SPHK2: variants seen among roughly 807,000 people sequenced by gnomAD.
SPHK2 encodes the protein sphingosine kinase 2.
In SPHK2, 18 loss-of-function variants were observed where a neutral mutation model predicts 32.3. That is an observed-to-expected ratio of 0.56 (90% CI 0.39 to 0.83). The LOEUF (loss-of-function observed/expected upper bound fraction) is 0.83, where lower values mean the gene tolerates loss of function less well. Among genes scored for constraint, SPHK2 ranks in the 40% least tolerant of loss-of-function variants. The pLI is 0.00. For synonymous variants in SPHK2, 462 were observed against 417.6 expected, an observed-to-expected ratio of 1.11 and a Z score of -1.30; for missense variants, 850 against 908.7, an observed-to-expected ratio of 0.94 and a Z score of 0.83.
rs1568437134 is a variant in SPHK2, at chr19:48,629,838, A to AG, written c.*70dup. On this transcript the variant is annotated 3_prime_UTR_variant, in exon 7 of 7. Coordinates refer to ENST00000245222, the MANE Select transcript of SPHK2 (RefSeq NM_020126.5). ...ATTCCAATGGGGCGGAGCCTGAGCT[A>AG]GGGGGTGTGGCCTGGCTGCTAGAGT... 6.7e-7 allele frequency: 1 copy of AG among 1,498,634 alleles called. No individual in the cohort carries two copies. The highest frequency in any genetic ancestry group is 2.4e-5 in the Admixed American group (1 of 41,820). The allele number at this position is 1,498,634 out of a possible 1,614,324, so 92.8% of individuals were successfully genotyped here. A position where few individuals can be genotyped will look rare whatever the true frequency, so the allele number is the denominator to read the frequency against.
At chr19:48,620,609 G>T in intron 2 of SPHK2, 56 bp downstream of exon 2, 3 of 1,271,454 alleles carry the variant, frequency 2.4e-6, no homozygotes, top group Non-Finnish European at 3.3e-6. Flanking sequence ...AAAATCTGAA[G>T]CTTTTCTTTA....
rs2030363999 is a variant in SPHK2 at position 48,629,453 on chromosome 19, C to G, written c.1645C>G (p.Leu549Val). ...CATGTTGGCCATCTCGCCCAGCCAC[C>G]TAGGCGCTGACCTGGTGGCAGCTCC... ...VLMLAISPSH[L>V]GADLVAAPHA... The change falls in exon 7 of 7, where the codon CTA becomes GTA. Residue 549 changes from leucine (L) to valine (V), a missense_variant. By Grantham distance (32) the Leu-to-Val change is conservative. This residue lies in a region of SPHK2 where 306 missense variants were observed against 268.6 expected (regional missense o/e 1.14). Coordinates refer to ENST00000245222, the MANE Select transcript of SPHK2 (RefSeq NM_020126.5). 6.2e-7 allele frequency: 1 copy of G among 1,608,744 alleles called. No individual in the cohort carries two copies. Among genetic ancestry groups the G allele is most frequent in the Non-Finnish European group, 8.5e-7 (1 of 1,178,644 alleles).
intron 2 of SPHK2, chr19:48,625,633 C>G (rs1222202030): frequency 3.2e-5 from 49 of 1,519,560 alleles, no homozygotes; most frequent in Non-Finnish European, 4.3e-5. Flanking sequence ...GTGATTGGCA[C>G]ATAAAGGGTA....
Position 48,628,162 on chromosome 19 carries a change from G to T in SPHK2, c.757G>T (p.Val253Leu). The change falls in exon 6 of 7, where the codon GTG (valine) becomes TTG (leucine). Residue 253 changes from valine to leucine, a missense_variant and splice_region_variant. Coordinates refer to ENST00000245222, the MANE Select transcript of SPHK2 (RefSeq NM_020126.5). This position sits in a 1 kb window ranked among gnomAD's most constrained non-coding sequence, Gnocchi z 5.2. ...AGGCTTCTGGTCTCCCACCCTCCAG[G>T]TGCTGAACGGGCTCCTAGATCGCCC... ...TVSGDGLLHE[V>L]LNGLLDRPDW... 6.2e-7 allele frequency: 1 copy of T among 1,612,880 alleles called. No individual in the cohort carries two copies. Among genetic ancestry groups the T allele is most frequent in the Non-Finnish European group, 8.5e-7 (1 of 1,179,396 alleles).
At chr19:48,625,307 T>A in intron 2 of SPHK2, 1 of 1,117,992 alleles carries the variant, frequency 8.9e-7, no homozygotes. Flanking sequence ...TCATTGACCC[T>A]GTTTGTCTCC....
rs1341116106 is a variant in SPHK2, at chr19:48,620,484, C to T, written c.-31C>T. On this transcript the variant is annotated 5_prime_UTR_variant, in exon 2 of 7. Transcript: ENST00000245222. ...TGGCTTAAGACCCAGGGCCAGGGTC[C>T]CGTTGATGTAACAGAGCAGAGGACC... 3 of 1,608,618 alleles carry T rather than the reference C, an allele frequency of 1.9e-6. No individual in the cohort carries two copies. The highest frequency in any genetic ancestry group is 2.5e-6 in the Non-Finnish European group (3 of 1,177,086).
At position 48,629,694 on chromosome 19, in the gene SPHK2, G is replaced by A; in HGVS notation, c.1886G>A (p.Gly629Glu). ...LTVDGEQVEY[G>E]PLQAQMHPGI... Reference sequence around the variant, plus strand: ...GTGGACGGGGAGCAGGTGGAGTATGGGCCGCTACAGGCACAGATGCACCCT... The same window carrying A: ...GTGGACGGGGAGCAGGTGGAGTATGAGCCGCTACAGGCACAGATGCACCCT... The change falls in exon 7 of 7, where the codon GGG becomes GAG. Residue 629 changes from glycine to glutamate, a missense_variant. Around this residue, in one of 2 missense-constraint regions of SPHK2, gnomAD observed 306 missense variants for 268.6 expected, o/e 1.14. Transcript: ENST00000245222. 6.2e-7 allele frequency: 1 copy of A among 1,609,446 alleles called. No individual in the cohort carries two copies. Among genetic ancestry groups the A allele is most frequent in the Non-Finnish European group, 8.5e-7 (1 of 1,178,388 alleles).
At chr19:48,622,319 T>C (rs143299342) in intron 2 of SPHK2, among the ~76,000 whole-genome samples, 4 of 152,070 alleles carry the variant, frequency 2.6e-5, no homozygotes, top group African/African-American at 4.8e-5. Flanking sequence ...TCAGGGGGAA[T>C]TGGGTTTTTT....
rs2030110567 is a variant in SPHK2, at chr19:48,628,113, C to T, written c.756+44C>T. 1.3e-6 allele frequency: 2 copies of T among 1,590,182 alleles called. No individual in the cohort carries two copies. The highest frequency in any genetic ancestry group is 2.7e-5 in the African/African-American group (2 of 74,310). The stretch of plus-strand genomic sequence containing the variant: ...GCCCCTAGCCCTGGGCCCTGGGGGA[C>T]TATAGAGACTGCCACCAGGACCCAG... On this transcript the variant is annotated intron_variant, in intron 5 of 6. Transcript: ENST00000245222. This position sits in a 1 kb window ranked among gnomAD's most constrained non-coding sequence, Gnocchi z 5.2.
chr19:48,623,299 C>T (rs1974481254), intron 2 of SPHK2: 1 of 151,194 alleles, frequency 6.6e-6, no homozygotes. Context: ...TCAGGCTGGT[C>T]TCGGACTCCT....
rs751245022 is a variant in SPHK2 at position 48,626,219 on chromosome 19, G to GCCGGCGCGGGGC, written c.376_387dup (p.Gly126_Arg129dup). The stretch of plus-strand genomic sequence containing the variant: ...TTCTGCATCTACACCTACCCTCGGG[G>GCCGGCGCGGGGC]CCGGCGCGGGGCCCGGCGCAGAGCC... On this transcript the variant is annotated inframe_insertion, in exon 3 of 7. Coordinates refer to ENST00000245222, the MANE Select transcript of SPHK2 (RefSeq NM_020126.5). The GCCGGCGCGGGGC allele has an allele frequency of 2.1e-5, 33 of 1,594,822 alleles. No homozygotes were observed. In the East Asian group the frequency reaches 6.5e-4, roughly 31 times the overall value.
intron 2 of SPHK2, among the ~76,000 whole-genome samples, chr19:48,623,658 C>G (rs1296526972): frequency 2.0e-5 from 3 of 152,180 alleles, no homozygotes; most frequent in Non-Finnish European, 4.4e-5. Context: ...CTGGTTCATT[C>G]ACTGGGCAGA....
At chr19:48,626,450 T>G in intron 3 of SPHK2, 88 bp downstream of exon 3, 1 of 1,417,408 alleles carries the variant, frequency 7.1e-7, no homozygotes, top group African/African-American at 1.4e-5. Flanking sequence ...TTTATTTTTC[T>G]GTGTGTCTGG....
rs377438093 is a variant in SPHK2 at position 48,626,021 on chromosome 19, C to G, written c.170C>G (p.Ser57Cys). 25 of 1,613,344 alleles carry G rather than the reference C, an allele frequency of 1.5e-5. No individual in the cohort carries two copies. The highest frequency in any genetic ancestry group is 6.7e-5 in the African/African-American group (5 of 74,942). ...STPLLHGEFGSYPARGPRFAL... is the reference protein window; with the variant it reads ...STPLLHGEFGCYPARGPRFAL... ...CCGCTCCTCCATGGCGAGTTTGGCT[C>G]CTACCCAGCCCGAGGCCCACGCTTT... Residue 57 changes from serine to cysteine, a missense_variant, in exon 3 of 7, where the codon TCC (serine) becomes TGC (cysteine). Physicochemically the swap from Ser to Cys is moderately radical, Grantham distance 112 (BLOSUM62 -1). Transcript: ENST00000245222.
At chr19:48,625,804 T>C in intron 2 of SPHK2, 87 bp from the exon 3 acceptor site, 4 of 1,544,414 alleles carry the variant, frequency 2.6e-6, no homozygotes, top group Non-Finnish European at 3.5e-6. Context: ...TGCCCCTCAT[T>C]GTCTCCTCCT....
Position 48,629,778 on chromosome 19 carries a change from AAAC to A in SPHK2, c.*8_*10del, listed in dbSNP as rs1568436956. 1.9e-6 allele frequency: 3 copies of A among 1,558,454 alleles called. No homozygotes were observed. Among genetic ancestry groups the A allele is most frequent in the East Asian group, 2.3e-5 (1 of 44,170 alleles). ...TGCCCGGGGCGGGAGCCCTGAAACT[AAAC>A]AAGCTTGGTACCCGCCGGGGGCGGG... On this transcript the variant is annotated 3_prime_UTR_variant, in exon 7 of 7. Transcript: ENST00000245222.
intron 2 of SPHK2, chr19:48,625,596 CCTG>C (rs1974577426): frequency 1.4e-6 from 2 of 1,455,088 alleles, no homozygotes; most frequent in South Asian, 2.5e-5. Flanking sequence ...TATTTTGTCT[CCTG>C]CTGTGTTTGC....
rs750099069 is a variant in SPHK2, at chr19:48,629,030, GC to G, written c.1226del (p.Pro409ArgfsTer84). 1 of 1,613,196 alleles carries G rather than the reference GC, an allele frequency of 6.2e-7. No homozygotes were observed. Among genetic ancestry groups the G allele is most frequent in the Non-Finnish European group, 8.5e-7 (1 of 1,179,754 alleles). ...KSELTLTPDPAPPMAHSPLHR... is the reference protein window; with the variant it reads ...KSELTLTPDPXPPMAHSPLHR... ...GGAGCTGACCCTAACCCCAGACCCA[GC>G]CCCGCCCATGGCCCACTCACCCCTG... On this transcript the variant is annotated frameshift_variant, in exon 7 of 7. Coordinates refer to ENST00000245222, the MANE Select transcript of SPHK2 (RefSeq NM_020126.5). LOFTEE classifies it low-confidence loss of function (END_TRUNC).
Position 48,629,049 on chromosome 19 carries a change from C to T in SPHK2, c.1241C>T (p.Ser414Leu). ...TPDPAPPMAH[S>L]PLHRSVSDLP... ...GACCCAGCCCCGCCCATGGCCCACTCACCCCTGCATCGTTCTGTGTCTGAC... is the reference window on the plus strand; with the variant it reads ...GACCCAGCCCCGCCCATGGCCCACTTACCCCTGCATCGTTCTGTGTCTGAC... Residue 414 changes from serine (S) to leucine (L), a missense_variant, in exon 7 of 7, where the codon TCA (serine) becomes TTA (leucine). Around this residue, in one of 2 missense-constraint regions of SPHK2, gnomAD observed 544 missense variants for 640.0 expected, o/e 0.85. Transcript: ENST00000245222. 1.2e-6 allele frequency: 2 copies of T among 1,613,354 alleles called. No homozygotes were observed. Among genetic ancestry groups the T allele is most frequent in the Non-Finnish European group, 1.7e-6 (2 of 1,179,776 alleles).
Sources: gnomAD v4.1 joint callset for allele counts (sites outside exome capture counted in the v4.1 genomes callset) on GRCh38, gnomAD v4.1.1 for gene constraint, gnomAD v4.1.1 regional missense constraint, Gnocchi (gnomAD v3.1) non-coding constraint, MANE v1.5 for transcripts, NCBI Gene and HGNC (gene_info 2026-07-23, HGNC 2026-07-21) for gene names.